PLB1: variants seen among roughly 807,000 people sequenced by gnomAD.
PLB1 encodes phospholipase B1.
A neutral mutation model predicts 227.4 loss-of-function variants in PLB1; 242 were observed. The ratio of observed to expected loss-of-function variants is 1.06; its 90% CI spans 0.96 to 1.18. The LOEUF is 1.18. Ranked by LOEUF, PLB1 falls within the 50% of genes most tolerant of loss-of-function variation. The probability of loss-of-function intolerance (pLI) is 0.00; values close to 1 mark genes in which losing one functional copy is unlikely to be tolerated. For synonymous variants in PLB1, 757 were observed against 682.2 expected, an observed-to-expected ratio of 1.11 and a Z score of -1.71; for missense variants, 1,858 against 1,816.3, an observed-to-expected ratio of 1.02 and a Z score of -0.42.
At chr2:28,595,656 G>A (rs535561516) in intron 33 of PLB1, 9 of 152,248 alleles carry the variant, frequency 5.9e-5, no homozygotes, top group Middle Eastern at 3.4e-3. Context: ...TCCTGAAAGT[G>A]TTCACGTAGT....
chr2:28,529,293 G>A (rs926492804), intron 6 of PLB1, 24 bp from the exon 7 acceptor site: 16 of 1,553,398 alleles, frequency 1.0e-5, no homozygotes, highest in Middle Eastern at 1.7e-4. Flanking sequence ...GAAGGCCAGG[G>A]CCTCAAACCA....
chr2:28,543,085 TGA>T (rs1672733243), intron 13 of PLB1, 125 bp from the exon 14 acceptor site: 8 of 941,596 alleles, frequency 8.5e-6, no homozygotes, highest in Non-Finnish European at 1.2e-5. Flanking sequence ...GATGAGGGGC[TGA>T]GAGAAAAGGC....
intron 9 of PLB1, among the ~76,000 whole-genome samples, chr2:28,535,902 A>G (rs1671618993): frequency 6.6e-6 from 1 of 152,186 alleles, no homozygotes; most frequent in African/African-American, 2.4e-5. Context: ...CCTGAGCAAC[A>G]GAGTGAGACT....
intron 15 of PLB1, 80 bp from the exon 16 acceptor site, chr2:28,549,930 A>G: frequency 8.0e-7 from 1 of 1,250,842 alleles, no homozygotes; most frequent in Non-Finnish European, 1.2e-6. Context: ...GGCCAAAAGC[A>G]TCACTGGATG....
chr2:28,562,540 C>CAAAAAAAAAAAAAAA (rs60393903), intron 17 of PLB1, among the ~76,000 whole-genome samples: 1,944 of 42,480 alleles, frequency 0.046, 624 homozygotes, highest in Middle Eastern at 0.088. Flanking sequence ...GACTCTGTCT[C>CAAAAAAAAAAAAAAA]AAAAAAAAAA....
chr2:28,527,126 AT>A (rs1407098580), intron 6 of PLB1, among the ~76,000 whole-genome samples: 3 of 152,156 alleles, frequency 2.0e-5, no homozygotes, highest in African/African-American at 7.2e-5. Context: ...AAGATAGGAT[AT>A]AGTTTAGACC....
intron 11 of PLB1, 101 bp downstream of exon 11, chr2:28,539,279 A>G: frequency 9.1e-7 from 1 of 1,103,664 alleles, no homozygotes; most frequent in Non-Finnish European, 1.4e-6. Flanking sequence ...GGGAGCCCTA[A>G]AGAACAGAGG....
intron 29 of PLB1, 76 bp downstream of exon 29, chr2:28,590,152 C>G (rs1418424940): frequency 1.6e-6 from 2 of 1,250,456 alleles, no homozygotes; most frequent in African/African-American, 1.5e-5. Context: ...GGCCCTCACC[C>G]TCACCCCAGC....
intron 1 of PLB1, among the ~76,000 whole-genome samples, chr2:28,497,919 A>G (rs549559696): frequency 5.3e-5 from 8 of 151,794 alleles, no homozygotes; most frequent in African/African-American, 1.9e-4. Flanking sequence ...GGGTTTCACC[A>G]TGTTGGCCAG....
At chr2:28,504,924 C>G (rs1053618180) in intron 1 of PLB1, among the ~76,000 whole-genome samples, 3 of 152,104 alleles carry the variant, frequency 2.0e-5, no homozygotes, top group Non-Finnish European at 4.4e-5. Context: ...TGCTCAGACT[C>G]CTTGAAAATG....
intron 17 of PLB1, among the ~76,000 whole-genome samples, chr2:28,558,755 A>G (rs200933265): frequency 3.9e-5 from 6 of 152,048 alleles, no homozygotes; most frequent in Non-Finnish European, 8.8e-5. Context: ...GGTGGGGAGG[A>G]GAAAGAACAC....
intron 1 of PLB1, among the ~76,000 whole-genome samples, chr2:28,502,304 C>G (rs1667191701): frequency 6.6e-6 from 1 of 152,030 alleles, no homozygotes; most frequent in Non-Finnish European, 1.5e-5. Flanking sequence ...TGAATATTTT[C>G]CTATTCAGTT....
Position 28,550,003 on chromosome 2 carries a change from C to T in PLB1, c.1009-7C>T. ...TCACGATTCCAACATGTCACCTTTC[C>T]CTGCAGGAGAGCCCCTATCTGTTCA... is the stretch of plus-strand genomic sequence containing the variant. On this transcript the variant is annotated splice_polypyrimidine_tract_variant and splice_region_variant and intron_variant, in intron 15 of 57. Transcript: ENST00000327757. 3 of 1,610,564 alleles carry T rather than the reference C, an allele frequency of 1.9e-6. No individual in the cohort carries two copies. The highest frequency in any genetic ancestry group is 2.5e-6 in the Non-Finnish European group (3 of 1,177,204).
At chr2:28,511,567 C>A (rs1473215615) in intron 1 of PLB1, among the ~76,000 whole-genome samples, 1 of 152,140 alleles carries the variant, frequency 6.6e-6, no homozygotes, top group Admixed American at 6.6e-5. Context: ...TCAGGCTGAT[C>A]TTAATATTGG....
chr2:28,535,175 T>C (rs58127455), intron 9 of PLB1, among the ~76,000 whole-genome samples: 4,047 of 152,326 alleles, frequency 0.027, 174 homozygotes, highest in African/African-American at 0.093. Context: ...TCAAAACATA[T>C]GACAAAAGTA....
chr2:28,525,816 A>G (rs1558670072), intron 5 of PLB1, 89 bp from the exon 6 acceptor site: 18 of 1,491,322 alleles, frequency 1.2e-5, no homozygotes, highest in East Asian at 2.3e-5. Flanking sequence ...GCCAAAGACT[A>G]CTATGAAATA....
At chr2:28,599,751 G>T (rs914174939) in intron 35 of PLB1, among the ~76,000 whole-genome samples, 3 of 152,172 alleles carry the variant, frequency 2.0e-5, no homozygotes, top group Non-Finnish European at 4.4e-5. Flanking sequence ...GAGTAGCTGG[G>T]ATTACAGGCT....
Position 28,632,092 on chromosome 2 carries a change from G to A in PLB1, c.3954G>A (p.Ala1318=), listed in dbSNP as rs372761250. Residue 1318 remains alanine (A), a synonymous_variant, in exon 55 of 58, where the codon GCG becomes GCA. Transcript: ENST00000327757. The stretch of plus-strand genomic sequence containing the variant: ...AATACACACAGCGTGAGGACTTTGC[G>A]GTTGTGGTGCAGCCTTTCTTCCAAA... ...WHQYTQREDF[A]VVVQPFFQNT... 28 of 1,614,038 alleles carry A rather than the reference G, an allele frequency of 1.7e-5. No individual in the cohort carries two copies. The African/African-American group carries it at 2.1e-4, about 12-fold the overall frequency.
intron 56 of PLB1, among the ~76,000 whole-genome samples, chr2:28,633,640 T>A (rs1688961195): frequency 6.6e-6 from 1 of 152,256 alleles, no homozygotes; most frequent in Non-Finnish European, 1.5e-5. Context: ...AGGGACCTTA[T>A]GAAATGAACA....
Sources: allele counts gnomAD v4.1 joint callset (sites outside exome capture counted in the v4.1 genomes callset), GRCh38; gene constraint gnomAD v4.1.1; transcripts MANE v1.5; gene names NCBI Gene and HGNC (gene_info 2026-07-23, HGNC 2026-07-21).